Variants in NKAIN2 observed in about 807,000 individuals in gnomAD.
The protein encoded by NKAIN2 is sodium/potassium transporting ATPase interacting 2, also known as sodium/potassium-transporting ATPase subunit beta-1-interacting protein 2.
A neutral mutation model predicts 32.6 loss-of-function variants in NKAIN2; 14 were observed. That is an observed-to-expected ratio of 0.43 (90% CI 0.28 to 0.67). The LOEUF (loss-of-function observed/expected upper bound fraction) is 0.67. Ranked by LOEUF, NKAIN2 falls within the 30% of genes least tolerant of loss-of-function variation. The pLI is 0.17. For synonymous variants in NKAIN2, 80 were observed against 87.2 expected (o/e 0.92, Z 0.46); for missense variants, 198 against 258.3 (o/e 0.77, Z 1.60).
intron 1 of NKAIN2, among the ~76,000 whole-genome samples, chr6:123,976,640 G>A (rs978438230): frequency 1.3e-5 from 2 of 151,310 alleles, no homozygotes; most frequent in African/African-American, 2.4e-5. Flanking sequence ...AGAGTTCACT[G>A]ATTTAAATGA....
rs545036896 is a variant in NKAIN2, at chr6:124,277,490, T to A, written c.55-5515T>A. 4.6e-5 allele frequency among the ~76,000 whole-genome samples: 7 copies of A among 151,996 alleles called. No individual in the cohort carries two copies. In the South Asian group the frequency reaches 1.2e-3, roughly 27 times the overall value. ...GTGTGTGTGTGTCTGTGTAAGATGC[T>A]ATAACAGGCTAATTTTACTTGTTAG... On this transcript the variant is annotated intron_variant, in intron 1 of 6. Coordinates refer to ENST00000368417, the MANE Select transcript of NKAIN2 (RefSeq NM_001040214.3).
In NKAIN2 at chr6:124,727,208, A is replaced by G. The variant is rs368486318; in HGVS notation, c.475-64131A>G. ...TTCAGATTCAGGAAATACAGAGAACACCACAAAGATACTCCTCGAGAAGAG... is the reference window on the plus strand; with the variant it reads ...TTCAGATTCAGGAAATACAGAGAACGCCACAAAGATACTCCTCGAGAAGAG... On this transcript the variant is annotated intron_variant, in intron 4 of 6. Transcript: ENST00000368417. Among the ~76,000 whole-genome samples, 1,307 of 150,726 alleles carry G rather than the reference A, an allele frequency of 8.7e-3. 13 individuals carry two copies. The highest frequency in any genetic ancestry group is 0.03 in the African/African-American group (1,241 of 40,828).
At chr6:124,071,580 A>G (rs1783470855) in intron 1 of NKAIN2, among the ~76,000 whole-genome samples, 1 of 152,202 alleles carries the variant, frequency 6.6e-6, no homozygotes, top group Non-Finnish European at 1.5e-5. Flanking sequence ...TATGCACTCA[A>G]CAAAGATCTA....
At chr6:123,903,909 G>A (rs59211821) in intron 1 of NKAIN2, among the ~76,000 whole-genome samples, 6,485 of 137,294 alleles carry the variant, frequency 0.047, 456 homozygotes, top group African/African-American at 0.19. Flanking sequence ...TCTATTATAC[G>A]CATTTTTTTT....
chr6:123,813,801 C>T (rs1244297138), intron 1 of NKAIN2, among the ~76,000 whole-genome samples: 2 of 151,680 alleles, frequency 1.3e-5, no homozygotes, highest in African/African-American at 4.8e-5. Context: ...AGCGAAATCC[C>T]ATCTCAAAAT....
At chr6:124,094,632 A>C in intron 1 of NKAIN2, among the ~76,000 whole-genome samples, 1 of 152,094 alleles carries the variant, frequency 6.6e-6, no homozygotes, top group East Asian at 1.9e-4. Flanking sequence ...CACATAGTTA[A>C]ATGCCTTATG....
At chr6:123,892,384 A>G (rs564113588) in intron 1 of NKAIN2, among the ~76,000 whole-genome samples, 2 of 152,248 alleles carry the variant, frequency 1.3e-5, no homozygotes, top group South Asian at 2.1e-4. Flanking sequence ...GGAAATTACA[A>G]TCATGGTGGA....
intron 3 of NKAIN2, among the ~76,000 whole-genome samples, chr6:124,628,360 G>A (rs879264747): frequency 2.6e-5 from 4 of 152,018 alleles, no homozygotes; most frequent in Non-Finnish European, 4.4e-5. Flanking sequence ...AGACTGTAAA[G>A]TTTTTGAAGG....
At chr6:124,356,517 ATGTGGACAAG>A (rs1170301051) in intron 3 of NKAIN2, among the ~76,000 whole-genome samples, 15 of 152,212 alleles carry the variant, frequency 9.9e-5, no homozygotes, top group Admixed American at 9.2e-4. Context: ...TATGATCAGA[ATGTGGACAAG>A]TCCTCACCGT....
At chr6:124,015,439 C>T (rs1356010137) in intron 1 of NKAIN2, among the ~76,000 whole-genome samples, 2 of 152,122 alleles carry the variant, frequency 1.3e-5, no homozygotes, top group African/African-American at 4.8e-5. Flanking sequence ...TTTAATTCTT[C>T]ATTCTCTTAA....
intron 3 of NKAIN2, among the ~76,000 whole-genome samples, chr6:124,533,220 A>G (rs649953): frequency 0.94 from 143,536 of 152,026 alleles, 68,272 homozygotes; most frequent in East Asian, 1. Context: ...ATATTCTCAC[A>G]TCACCCCAGA....
chr6:124,000,207 C>G (rs1779815905), intron 1 of NKAIN2, among the ~76,000 whole-genome samples: 1 of 152,020 alleles, frequency 6.6e-6, no homozygotes, highest in South Asian at 2.1e-4. Flanking sequence ...CTCCTATATT[C>G]TTAAGAGACT....
chr6:124,061,411 T>C (rs534942307), intron 1 of NKAIN2, among the ~76,000 whole-genome samples: 1 of 152,248 alleles, frequency 6.6e-6, no homozygotes, highest in African/African-American at 2.4e-5. Flanking sequence ...TCTCAAAAAG[T>C]CTTCAATTTT....
chr6:123,868,965 G>A (rs371820043), intron 1 of NKAIN2, among the ~76,000 whole-genome samples: 13 of 152,292 alleles, frequency 8.5e-5, no homozygotes, highest in African/African-American at 2.6e-4. Flanking sequence ...AATGAAGTCT[G>A]TACATTCATC....
At chr6:124,539,806 C>T (rs537886087) in intron 3 of NKAIN2, among the ~76,000 whole-genome samples, 8 of 152,162 alleles carry the variant, frequency 5.3e-5, no homozygotes, top group South Asian at 2.1e-4. Flanking sequence ...CTGCAACCTC[C>T]GCCTCCTGGG....
At chr6:124,013,374 G>A (rs759791232) in intron 1 of NKAIN2, among the ~76,000 whole-genome samples, 3 of 151,992 alleles carry the variant, frequency 2.0e-5, no homozygotes, top group South Asian at 2.1e-4. Context: ...AATCTTTGCC[G>A]AGCCCAAAGT....
chr6:124,084,750 T>C (rs1274888535), intron 1 of NKAIN2, among the ~76,000 whole-genome samples: 1 of 152,034 alleles, frequency 6.6e-6, no homozygotes, highest in East Asian at 1.9e-4. Flanking sequence ...GTCAAGATCA[T>C]TGTGCTTTAA....
intron 3 of NKAIN2, among the ~76,000 whole-genome samples, chr6:124,379,132 AGAGGG>A (rs1175186223): frequency 4.7e-5 from 2 of 42,736 alleles, no homozygotes; most frequent in African/African-American, 1.6e-4. Context: ...GGAGGGGAGG[AGAGGG>A]GAGGGGAGGG....
chr6:124,783,924 A>T (rs1195565891), intron 4 of NKAIN2, among the ~76,000 whole-genome samples: 1 of 152,168 alleles, frequency 6.6e-6, no homozygotes, highest in Admixed American at 6.6e-5. Context: ...TGGATTATTT[A>T]ATTTAAATAA....
Sources: allele counts gnomAD v4.1 joint callset (sites outside exome capture counted in the v4.1 genomes callset), GRCh38; gene constraint gnomAD v4.1.1; transcripts MANE v1.5; gene names NCBI Gene and HGNC (gene_info 2026-07-23, HGNC 2026-07-21).